Variants in ITPR2 observed in about 807,000 individuals in gnomAD.
ITPR2 encodes inositol 1,4,5-trisphosphate receptor type 2, also known as inositol 1,4,5-trisphosphate-gated calcium channel ITPR2.
Under a neutral mutation model 317.1 loss-of-function variants are expected in ITPR2, and 207 were observed. The ratio of observed to expected loss-of-function variants is 0.65; its 90% confidence interval spans 0.58 to 0.73. ITPR2 has a LOEUF of 0.73. Ranked by LOEUF, ITPR2 falls within the 30% of genes least tolerant of loss-of-function variation. The probability of loss-of-function intolerance (pLI) is 0.00; values close to 1 mark genes in which losing one functional copy is unlikely to be tolerated. For synonymous variants in ITPR2, 1,156 were observed against 1,149.1 expected, an observed-to-expected ratio of 1.01 and a Z score of -0.12; for missense variants, 2,613 against 3,284.0, an observed-to-expected ratio of 0.80 and a Z score of 4.99.
At position 26,414,875 on chromosome 12, in the gene ITPR2, A is replaced by G. The variant is rs1027142521; in HGVS notation, c.7306+428T>C. ...GTGGTTTCAAATCAAAGCATTTATC[A>G]TTTTCAGTTATTTAAGTATAATATG... On this transcript the variant is annotated intron_variant, in intron 51 of 56. Coordinates refer to ENST00000381340, the MANE Select transcript of ITPR2 (RefSeq NM_002223.4). Among the ~76,000 whole-genome samples, 4 of 152,084 alleles carry G rather than the reference A, an allele frequency of 2.6e-5. No homozygotes were observed. The South Asian group carries it at 8.3e-4, about 32-fold the overall frequency.
At chr12:26,655,657 A>C in intron 20 of ITPR2, 51 bp downstream of exon 20, 1 of 1,487,796 alleles carries the variant, frequency 6.7e-7, no homozygotes, top group South Asian at 1.2e-5. Flanking sequence ...ACCTTCATGA[A>C]CTAAACTACC....
At chr12:26,399,627 C>T (rs1940105160) in intron 53 of ITPR2, among the ~76,000 whole-genome samples, 1 of 152,212 alleles carries the variant, frequency 6.6e-6, no homozygotes, top group South Asian at 2.1e-4. Context: ...AGCTAAGATT[C>T]TTCAAGCTCC....
intron 5 of ITPR2, among the ~76,000 whole-genome samples, chr12:26,716,733 C>A (rs1342403726): frequency 6.6e-6 from 1 of 152,156 alleles, no homozygotes; most frequent in Non-Finnish European, 1.5e-5. Flanking sequence ...ATTAAAAATT[C>A]TAATGTCAGC....
intron 38 of ITPR2, among the ~76,000 whole-genome samples, 155 bp from the exon 39 acceptor site, chr12:26,494,495 C>T (rs1942886957): frequency 6.6e-6 from 1 of 151,908 alleles, no homozygotes; most frequent in Non-Finnish European, 1.5e-5. Flanking sequence ...TGAGGCTGGG[C>T]ATGGTGGCTC....
chr12:26,538,193 T>C (rs534304322), intron 37 of ITPR2, among the ~76,000 whole-genome samples: 5 of 152,314 alleles, frequency 3.3e-5, no homozygotes, highest in African/African-American at 1.2e-4. Flanking sequence ...CTTGGGCAAG[T>C]TTCTTAACCT....
intron 49 of ITPR2, 90 bp from the exon 50 acceptor site, chr12:26,419,303 G>T: frequency 9.3e-7 from 1 of 1,076,376 alleles, no homozygotes; most frequent in Non-Finnish European, 1.3e-6. Context: ...ATGACTTTTT[G>T]ACATGGATGA....
intron 34 of ITPR2, among the ~76,000 whole-genome samples, chr12:26,569,051 T>C (rs965439188): frequency 6.6e-6 from 1 of 152,116 alleles, no homozygotes; most frequent in Non-Finnish European, 1.5e-5. Context: ...CACAACTAAA[T>C]GTATCCCAGA....
chr12:26,599,434 G>T, intron 29 of ITPR2, 89 bp from the exon 30 acceptor site: 2 of 1,170,126 alleles, frequency 1.7e-6, no homozygotes, highest in Non-Finnish European at 2.5e-6. Flanking sequence ...CTTGTGATCA[G>T]TTTTATATTT....
chr12:26,457,599 T>A (rs1169512361), intron 45 of ITPR2, among the ~76,000 whole-genome samples: 1 of 151,974 alleles, frequency 6.6e-6, no homozygotes, highest in East Asian at 1.9e-4. Context: ...ATAATCCAGG[T>A]GAAAGATGGT....
At chr12:26,784,574 C>A (rs972789016) in intron 2 of ITPR2, among the ~76,000 whole-genome samples, 1 of 151,734 alleles carries the variant, frequency 6.6e-6, no homozygotes, top group African/African-American at 2.4e-5. Context: ...CAGCTCCTAA[C>A]CGCGAGTGAT....
chr12:26,648,789 G>A (rs995471882), intron 21 of ITPR2: 1 of 151,348 alleles, frequency 6.6e-6, no homozygotes, highest in African/African-American at 2.4e-5. Flanking sequence ...CTCTGGCATC[G>A]ACCTTTGTCT....
At chr12:26,643,494 A>T (rs539522189) in intron 21 of ITPR2, among the ~76,000 whole-genome samples, 1 of 152,346 alleles carries the variant, frequency 6.6e-6, no homozygotes, top group South Asian at 2.1e-4. Flanking sequence ...AGCTACAGAG[A>T]AAGCATGTAG....
At position 26,338,067 on chromosome 12, in the gene ITPR2, G is replaced by C. The variant is rs769360742; in HGVS notation, c.*1330C>G. On this transcript the variant is annotated 3_prime_UTR_variant, in exon 57 of 57. Transcript: ENST00000381340. ...TCTGGAGGCAGTGTTTTGTTCCTGT[G>C]GGGGAGAGGCCAGGTCAACTTGCAG... The C allele has an allele frequency of 3.9e-5, 6 of 152,190 alleles. No individual in the cohort carries two copies. Among genetic ancestry groups the C allele is most frequent in the Non-Finnish European group, 5.9e-5 (4 of 68,046 alleles). 9.4% of individuals were successfully genotyped at this position (152,190 alleles called of 1,614,324 possible). A position where few individuals can be genotyped will look rare whatever the true frequency, so the allele number is the denominator to read the frequency against.
At chr12:26,698,344 A>G (rs1948387565) in intron 9 of ITPR2, among the ~76,000 whole-genome samples, 1 of 152,188 alleles carries the variant, frequency 6.6e-6, no homozygotes, top group African/African-American at 2.4e-5. Flanking sequence ...GATAAACTAA[A>G]TGTGGCATAT....
intron 38 of ITPR2, 88 bp downstream of exon 38, chr12:26,495,064 C>T: frequency 7.9e-6 from 6 of 764,068 alleles, no homozygotes; most frequent in Non-Finnish European, 2.3e-6. Context: ...TTTTATATAT[C>T]TGCCATTTCA....
chr12:26,737,849 G>A (rs1949156222), intron 2 of ITPR2, among the ~76,000 whole-genome samples: 1 of 152,142 alleles, frequency 6.6e-6, no homozygotes, highest in Admixed American at 6.5e-5. Context: ...AACAAATACA[G>A]TTGTGTTTAT....
At chr12:26,721,224 C>A in intron 5 of ITPR2, 5 of 452,490 alleles carry the variant, frequency 1.1e-5, no homozygotes, top group South Asian at 4.8e-5. Flanking sequence ...TTAAGAAATC[C>A]AACCAACACA....
At chr12:26,696,027 T>G (rs1029796329) in intron 9 of ITPR2, among the ~76,000 whole-genome samples, 1 of 152,172 alleles carries the variant, frequency 6.6e-6, no homozygotes. Context: ...GGGACATTGA[T>G]GATTTGAGAT....
At chr12:26,480,276 C>T (rs952611733) in intron 43 of ITPR2, among the ~76,000 whole-genome samples, 1 of 152,130 alleles carries the variant, frequency 6.6e-6, no homozygotes, top group Non-Finnish European at 1.5e-5. Context: ...CTCCTGAGCT[C>T]TTATAAATGA....
Sources: allele counts gnomAD v4.1 joint callset (sites outside exome capture counted in the v4.1 genomes callset), GRCh38; gene constraint gnomAD v4.1.1; transcripts MANE v1.5; gene names NCBI Gene and HGNC (gene_info 2026-07-23, HGNC 2026-07-21).